Variants in AGMO observed in about 807,000 individuals in gnomAD.
The protein encoded by AGMO is alkylglycerol monooxygenase, also known as glyceryl-ether monooxygenase.
AGMO carries 75 observed loss-of-function variants against 60.2 expected under a neutral mutation model. That is an observed-to-expected ratio of 1.25 (90% CI 1.03 to 1.51). The LOEUF (loss-of-function observed/expected upper bound fraction) is 1.51, where lower values mean the gene tolerates loss of function less well. AGMO is among the 40% of genes most tolerant of loss of function. The pLI, the probability that AGMO is intolerant of heterozygous loss-of-function variation, is 0.00. For missense variants in AGMO, 763 were observed against 525.5 expected (o/e 1.45, Z -4.42); for synonymous variants, 261 against 177.1 (o/e 1.47, Z -3.76).
chr7:15,204,999 T>TG (rs1473046737), intron 12 of AGMO, among the ~76,000 whole-genome samples: 1 of 152,152 alleles, frequency 6.6e-6, no homozygotes, highest in Non-Finnish European at 1.5e-5. Context: ...TTTATGTCTG[T>TG]GTTTTGAGAG....
chr7:15,345,199 G>T (rs955221790), intron 12 of AGMO, among the ~76,000 whole-genome samples: 2 of 152,118 alleles, frequency 1.3e-5, no homozygotes, highest in African/African-American at 4.8e-5. Flanking sequence ...AAGCTCAAGT[G>T]CACTGTATAC....
intron 12 of AGMO, among the ~76,000 whole-genome samples, chr7:15,207,982 A>T (rs1025981639): frequency 2.0e-5 from 3 of 152,310 alleles, no homozygotes; most frequent in Middle Eastern, 3.4e-3. Flanking sequence ...GTGAAAATAG[A>T]TTTACCACAA....
the AGMO span, among the ~76,000 whole-genome samples, chr7:15,139,592 A>AT: frequency 6.6e-6 from 1 of 151,300 alleles, no homozygotes; most frequent in Admixed American, 6.6e-5. Context: ...TTAGCTCTCA[A>AT]TTTTTTATTC....
intron 3 of AGMO, among the ~76,000 whole-genome samples, chr7:15,539,098 G>A (rs956806220): frequency 6.6e-6 from 1 of 151,814 alleles, no homozygotes; most frequent in African/African-American, 2.4e-5. Flanking sequence ...AGGTGCAACT[G>A]GGTAAATTCT....
intron 6 of AGMO, 105 bp from the exon 7 acceptor site, chr7:15,391,010 CA>C: frequency 1.4e-6 from 1 of 706,406 alleles, no homozygotes; most frequent in Non-Finnish European, 2.3e-6. Flanking sequence ...CAGATTTAAA[CA>C]GGGTACAATT....
At chr7:15,530,834 CTATA>C (rs200029392) in intron 3 of AGMO, among the ~76,000 whole-genome samples, 3 of 79,088 alleles carry the variant, frequency 3.8e-5, no homozygotes, top group East Asian at 4.2e-4. Flanking sequence ...TATATATATT[CTATA>C]TATATATATT....
At chr7:15,540,326 GT>G (rs754473960) in intron 3 of AGMO, among the ~76,000 whole-genome samples, 1 of 152,176 alleles carries the variant, frequency 6.6e-6, no homozygotes, top group Non-Finnish European at 1.5e-5. Context: ...GCTACAGCTA[GT>G]TTTTTGGTGT....
At chr7:15,495,588 T>G (rs746004113) in intron 3 of AGMO, among the ~76,000 whole-genome samples, 39 of 152,274 alleles carry the variant, frequency 2.6e-4, no homozygotes, top group Non-Finnish European at 5.4e-4. Flanking sequence ...ATGTCTCAGT[T>G]TTTCAGCACA....
chr7:15,530,719 CTA>C (rs1383915123), intron 3 of AGMO, among the ~76,000 whole-genome samples: 1 of 140,042 alleles, frequency 7.1e-6, no homozygotes, highest in South Asian at 2.2e-4. Context: ...ATATACATTT[CTA>C]TATAGATATT....
chr7:15,529,213 A>G (rs1784210848), intron 3 of AGMO, among the ~76,000 whole-genome samples: 1 of 151,904 alleles, frequency 6.6e-6, no homozygotes, highest in African/African-American at 2.4e-5. Context: ...AAATGTTATT[A>G]TTATTGGAGG....
At chr7:15,408,296 T>A (rs981595608) in intron 5 of AGMO, among the ~76,000 whole-genome samples, 1 of 151,808 alleles carries the variant, frequency 6.6e-6, no homozygotes, top group African/African-American at 2.4e-5. Flanking sequence ...ATTTAAGAAA[T>A]TTTTTCTCAT....
intron 12 of AGMO, among the ~76,000 whole-genome samples, chr7:15,318,878 T>C (rs1179636055): frequency 1.3e-5 from 2 of 152,184 alleles, no homozygotes; most frequent in East Asian, 3.9e-4. Flanking sequence ...AAATCCTCTC[T>C]ACTGCCTTGC....
intron 6 of AGMO, among the ~76,000 whole-genome samples, chr7:15,391,478 G>A (rs1027899207): frequency 4.6e-5 from 7 of 151,766 alleles, no homozygotes; most frequent in African/African-American, 1.5e-4. Context: ...GCAAATAGCT[G>A]GTCATTATTT....
chr7:15,512,504 C>T (rs1181466840), intron 3 of AGMO, among the ~76,000 whole-genome samples: 3 of 152,148 alleles, frequency 2.0e-5, no homozygotes, highest in South Asian at 4.1e-4. Flanking sequence ...CCACCCTCCT[C>T]GGCCTCCCAA....
At chr7:15,213,949 T>C (rs1175317049) in intron 12 of AGMO, among the ~76,000 whole-genome samples, 1 of 151,998 alleles carries the variant, frequency 6.6e-6, no homozygotes, top group Non-Finnish European at 1.5e-5. Context: ...GGTAAAAACA[T>C]TTTGCTTGTT....
intron 12 of AGMO, among the ~76,000 whole-genome samples, chr7:15,300,464 G>A (rs1784533926): frequency 1.3e-5 from 2 of 152,010 alleles, no homozygotes; most frequent in Non-Finnish European, 2.9e-5. Flanking sequence ...TGAACAAGTG[G>A]CTGACACATT....
chr7:15,462,581 G>T (rs1782170696), intron 3 of AGMO, among the ~76,000 whole-genome samples: 5 of 152,154 alleles, frequency 3.3e-5, no homozygotes, highest in Non-Finnish European at 5.9e-5. Context: ...CATGCAGGTT[G>T]CAAGACATGT....
chr7:15,165,848 C>T, the AGMO span, among the ~76,000 whole-genome samples: 1 of 151,700 alleles, frequency 6.6e-6, no homozygotes, highest in African/African-American at 2.4e-5. Flanking sequence ...ATAATGGGAA[C>T]CTAAAGCATA....
chr7:15,544,652 T>C, intron 3 of AGMO, 120 bp downstream of exon 3: 5 of 861,806 alleles, frequency 5.8e-6, no homozygotes, highest in Non-Finnish European at 8.1e-6. Context: ...AATTTTTATA[T>C]CCGTAAAATA....
Sources: gnomAD v4.1 joint callset for allele counts (sites outside exome capture counted in the v4.1 genomes callset) on GRCh38, gnomAD v4.1.1 for gene constraint, MANE v1.5 for transcripts, NCBI Gene and HGNC (gene_info 2026-07-23, HGNC 2026-07-21) for gene names.